The following IL1RAPL1 variants were observed in gnomAD, a reference collection of about 807,000 sequenced individuals.
IL1RAPL1 encodes interleukin-1 receptor accessory protein-like 1.
IL1RAPL1 carries 3 observed loss-of-function variants against 48.4 expected under a neutral mutation model. That is an observed-to-expected ratio of 0.06 (90% CI 0.03 to 0.16). IL1RAPL1 has a LOEUF of 0.16. Among genes scored for constraint, IL1RAPL1 ranks in the 10% least tolerant of loss-of-function variants. The probability of loss-of-function intolerance (pLI) is 1.00; values close to 1 mark genes in which losing one functional copy is unlikely to be tolerated. For synonymous variants in IL1RAPL1, 185 were observed against 187.7 expected (o/e 0.99, Z 0.12); for missense variants, 349 against 530.6 (o/e 0.66, Z 3.36).
intron 5 of IL1RAPL1, among the ~76,000 whole-genome samples, chrX:29,490,830 AGG>A (rs1569322826): frequency 5.7e-5 from 5 of 87,256 alleles, no homozygotes; most frequent in African/African-American, 2.3e-4. Context: ...TACTCATCTG[AGG>A]TATGTGTGTG....
At chrX:29,857,119 G>A (rs901738303) in intron 6 of IL1RAPL1, among the ~76,000 whole-genome samples, 5 of 111,129 alleles carry the variant, frequency 4.5e-5, no homozygotes, top group Admixed American at 9.7e-5. Context: ...TGCATAACAC[G>A]AGTTCACTGA....
chrX:29,011,716 G>A lies in IL1RAPL1; in HGVS notation c.82+222291G>A, dbSNP rs141884603. 3.8e-3 allele frequency among the ~76,000 whole-genome samples: 431 copies of A among 112,176 alleles called. 1 individual carries two copies. Among genetic ancestry groups the A allele is most frequent in the Non-Finnish European group, 6.1e-3 (326 of 53,200 alleles). Reference sequence around the variant, plus strand: ...TTTGATTGTAGCGATGATTTCCTGGGTGTATACATAAGCTAAAACTTATAA... The same window carrying A: ...TTTGATTGTAGCGATGATTTCCTGGATGTATACATAAGCTAAAACTTATAA... On this transcript the variant is annotated intron_variant, in intron 2 of 10. Transcript: ENST00000378993.
At chrX:29,300,069 C>T (rs1359311545) in intron 3 of IL1RAPL1, among the ~76,000 whole-genome samples, 1 of 111,716 alleles carries the variant, frequency 9.0e-6, no homozygotes, top group African/African-American at 3.3e-5. Context: ...CTGAGTTCCT[C>T]AACAAAAGCA....
intron 2 of IL1RAPL1, among the ~76,000 whole-genome samples, chrX:29,129,752 G>A (rs1184315650): frequency 1.8e-5 from 2 of 108,809 alleles, no homozygotes; most frequent in Non-Finnish European, 3.8e-5. Context: ...CTGCCACCAC[G>A]TCCAGCTAAT....
At chrX:29,164,913 C>T (rs1251304584) in intron 2 of IL1RAPL1, among the ~76,000 whole-genome samples, 5 of 111,506 alleles carry the variant, frequency 4.5e-5, no homozygotes, top group Non-Finnish European at 9.4e-5. Flanking sequence ...AATCTTTGTC[C>T]GTGAGCATAA....
chrX:29,129,576 G>A (rs1282540756), intron 2 of IL1RAPL1, among the ~76,000 whole-genome samples: 1 of 98,920 alleles, frequency 1.0e-5, no homozygotes, highest in Non-Finnish European at 2.0e-5. Flanking sequence ...TGTATATGCA[G>A]AAATAATGTA....
intron 5 of IL1RAPL1, among the ~76,000 whole-genome samples, chrX:29,654,378 A>G (rs1925608890): frequency 8.9e-6 from 1 of 112,030 alleles, no homozygotes; most frequent in South Asian, 3.7e-4. Flanking sequence ...CTGCTAATAA[A>G]GACACACCCA....
At chrX:28,701,626 A>G (rs1935298700) in intron 1 of IL1RAPL1, among the ~76,000 whole-genome samples, 1 of 111,955 alleles carries the variant, frequency 8.9e-6, no homozygotes, top group African/African-American at 3.2e-5. Flanking sequence ...TGTAAATCTA[A>G]AGACAAAAAT....
chrX:29,108,478 T>C (rs1187840377), intron 2 of IL1RAPL1, among the ~76,000 whole-genome samples: 3 of 111,413 alleles, frequency 2.7e-5, no homozygotes, highest in Non-Finnish European at 5.6e-5. Flanking sequence ...CTCGGCTCAC[T>C]GCAACCTCCG....
At chrX:29,856,466 C>T (rs749880426) in intron 6 of IL1RAPL1, among the ~76,000 whole-genome samples, 3 of 111,861 alleles carry the variant, frequency 2.7e-5, no homozygotes, top group South Asian at 3.6e-4. Context: ...CATCACATAA[C>T]GAAACAGATT....
At chrX:29,576,979 A>C (rs1922798229) in intron 5 of IL1RAPL1, among the ~76,000 whole-genome samples, 1 of 111,859 alleles carries the variant, frequency 8.9e-6, no homozygotes, top group Non-Finnish European at 1.9e-5. Flanking sequence ...TCAGTGATTT[A>C]GTTTCCATTT....
rs548373979 is a variant in IL1RAPL1, at chrX:29,328,891, G to A, written c.362+45674G>A. On this transcript the variant is annotated intron_variant, in intron 3 of 10. Coordinates refer to ENST00000378993, the MANE Select transcript of IL1RAPL1 (RefSeq NM_014271.4). ...CTCTCATTATTTAAATTTAGATCAC[G>A]GTAGTATGATTTACTATTAAAAGGT... Among the ~76,000 whole-genome samples, 15 of 110,298 alleles carry A rather than the reference G, an allele frequency of 1.4e-4. No individual in the cohort carries two copies. In the South Asian group the frequency reaches 3.4e-3, roughly 25 times the overall value.
At chrX:29,882,966 TA>T (rs1932061924) in intron 6 of IL1RAPL1, among the ~76,000 whole-genome samples, 1 of 111,605 alleles carries the variant, frequency 9.0e-6, no homozygotes, top group Admixed American at 9.5e-5. Context: ...TAATAATCAG[TA>T]AATAGTTTGC....
Position 29,399,160 on chromosome X carries a change from C to T in IL1RAPL1, c.555C>T (p.Cys185=). 8.3e-7 allele frequency: 1 copy of T among 1,200,313 alleles called. No homozygotes were observed. The highest frequency in any genetic ancestry group is 1.1e-6 in the Non-Finnish European group (1 of 885,418). The stretch of plus-strand genomic sequence containing the variant: ...ATTGTATGTTCTTCATATAGGAATG[C>T]AGGACAAAAACATGGAGGCCAAGTA... The part of the protein sequence containing the change: ...REPEILWYKE[C]RTKTWRPSIV... The change falls in exon 5 of 11, where the codon TGC becomes TGT. Residue 185 remains cysteine, a synonymous_variant. Coordinates refer to ENST00000378993, the MANE Select transcript of IL1RAPL1 (RefSeq NM_014271.4).
intron 3 of IL1RAPL1, among the ~76,000 whole-genome samples, chrX:29,357,541 C>T (rs1462613689): frequency 1.8e-5 from 2 of 112,248 alleles, no homozygotes; most frequent in East Asian, 5.6e-4. Context: ...AGATTCAGTA[C>T]TTCCTCCAAA....
intron 6 of IL1RAPL1, among the ~76,000 whole-genome samples, chrX:29,777,924 A>G (rs1352598862): frequency 1.9e-5 from 2 of 106,850 alleles, no homozygotes; most frequent in South Asian, 3.8e-4. Flanking sequence ...TTTATAAATT[A>G]ATCTTGTTTT....
chrX:29,474,706 A>C (rs917798167), intron 5 of IL1RAPL1, among the ~76,000 whole-genome samples: 6 of 111,781 alleles, frequency 5.4e-5, no homozygotes, highest in Non-Finnish European at 7.5e-5. Context: ...ATGTGAAACT[A>C]ACTGAATGAG....
chrX:29,267,591 T>G (rs1931976988), intron 2 of IL1RAPL1, among the ~76,000 whole-genome samples: 1 of 111,577 alleles, frequency 9.0e-6, no homozygotes, highest in African/African-American at 3.3e-5. Flanking sequence ...GTGCCCTATT[T>G]CTAATAGTGG....
At chrX:28,619,284 T>C (rs1181038516) in intron 1 of IL1RAPL1, among the ~76,000 whole-genome samples, 1 of 110,684 alleles carries the variant, frequency 9.0e-6, no homozygotes, top group African/African-American at 3.3e-5. Context: ...GATGGTTGAT[T>C]AGTGCATCTA....
Sources: gnomAD v4.1 joint callset for allele counts (sites outside exome capture counted in the v4.1 genomes callset) on GRCh38, gnomAD v4.1.1 for gene constraint, MANE v1.5 for transcripts, NCBI Gene and HGNC (gene_info 2026-07-23, HGNC 2026-07-21) for gene names.